The following PDE7B variants were observed in gnomAD, a reference collection of about 807,000 sequenced individuals.
The protein encoded by PDE7B is phosphodiesterase 7B.
In PDE7B, 29 loss-of-function variants were observed where a neutral mutation model predicts 56.2. The ratio of observed to expected loss-of-function variants is 0.52; its 90% CI spans 0.38 to 0.70. The LOEUF (loss-of-function observed/expected upper bound fraction) is 0.70. Among genes scored for constraint, PDE7B ranks in the 30% least tolerant of loss-of-function variants. PDE7B has a pLI of 0.00. For synonymous variants in PDE7B, 197 were observed against 196.9 expected (o/e 1.00, Z 0.00); for missense variants, 490 against 565.0 (o/e 0.87, Z 1.35).
At chr6:136,097,264 T>C (rs1054331693) in intron 2 of PDE7B, among the ~76,000 whole-genome samples, 4 of 152,206 alleles carry the variant, frequency 2.6e-5, no homozygotes, top group Non-Finnish European at 5.9e-5. Context: ...CATTTTTGCT[T>C]TGAAATCTCT....
chr6:136,151,397 A>C (rs938394005), intron 6 of PDE7B, 142 bp downstream of exon 6: 2 of 548,714 alleles, frequency 3.6e-6, no homozygotes, highest in Admixed American at 6.5e-5. Context: ...CTTACTTTTA[A>C]AATATGGCTT....
At chr6:136,176,377 A>G (rs1049637877) in intron 9 of PDE7B, among the ~76,000 whole-genome samples, 26 of 151,916 alleles carry the variant, frequency 1.7e-4, no homozygotes, top group African/African-American at 5.1e-4. Flanking sequence ...TTTTCAGTTT[A>G]TTTTCTGTGA....
chr6:135,926,860 A>G (rs1274584284), intron 1 of PDE7B, among the ~76,000 whole-genome samples: 1 of 152,162 alleles, frequency 6.6e-6, no homozygotes, highest in Non-Finnish European at 1.5e-5. Flanking sequence ...AAAAATCAGC[A>G]GTAGTGATAC....
intron 2 of PDE7B, chr6:136,096,396 T>C (rs1233087465): frequency 6.6e-6 from 1 of 151,628 alleles, no homozygotes; most frequent in African/African-American, 2.4e-5. Flanking sequence ...AAATTATCCA[T>C]GATATTGGGA....
chr6:135,959,468 C>T (rs1774859594), intron 2 of PDE7B, among the ~76,000 whole-genome samples: 1 of 152,038 alleles, frequency 6.6e-6, no homozygotes, highest in South Asian at 2.1e-4. Context: ...ATATATTGAA[C>T]TCAAAAATAC....
intron 1 of PDE7B, among the ~76,000 whole-genome samples, chr6:135,870,503 A>G (rs577741326): frequency 1.3e-5 from 2 of 149,970 alleles, no homozygotes; most frequent in Admixed American, 1.3e-4. Context: ...CTATTTATTT[A>G]GGTGATATGT....
At chr6:135,967,853 G>A (rs892956753) in intron 2 of PDE7B, among the ~76,000 whole-genome samples, 2 of 152,162 alleles carry the variant, frequency 1.3e-5, no homozygotes, top group African/African-American at 2.4e-5. Context: ...AGGGGCCAGC[G>A]CCACTTGGGC....
intron 2 of PDE7B, among the ~76,000 whole-genome samples, chr6:136,079,726 CA>C (rs35447604): frequency 0.42 from 39,922 of 94,692 alleles, 5,074 homozygotes; most frequent in South Asian, 0.53. Flanking sequence ...ATTAGGAAGA[CA>C]AAAAAAAAAA....
rs1779025823 is a variant in PDE7B at position 136,179,224 on chromosome 6, C to A, written c.948+83C>A. On this transcript the variant is annotated intron_variant, in intron 10 of 12. Coordinates refer to ENST00000308191, the MANE Select transcript of PDE7B (RefSeq NM_018945.4). Reference sequence around the variant, plus strand: ...GGTGTGGTGGCTCACATCTGTAGTCCCAGCTACTTGGGAGGCTGAGGCATG... The same window carrying A: ...GGTGTGGTGGCTCACATCTGTAGTCACAGCTACTTGGGAGGCTGAGGCATG... 1.5e-5 allele frequency: 19 copies of A among 1,290,194 alleles called. No homozygotes were observed. The South Asian group carries it at 1.6e-4, about 11-fold the overall frequency. 79.9% of individuals were successfully genotyped at this position (1,290,194 alleles called of 1,614,324 possible).
chr6:136,097,390 C>G (rs1777486050), intron 2 of PDE7B, among the ~76,000 whole-genome samples: 1 of 151,988 alleles, frequency 6.6e-6, no homozygotes, highest in Admixed American at 6.6e-5. Context: ...ATCCTTGATA[C>G]TTACCTCTCC....
chr6:136,185,270 T>C (rs1779125996), intron 11 of PDE7B, among the ~76,000 whole-genome samples: 1 of 152,124 alleles, frequency 6.6e-6, no homozygotes, highest in South Asian at 2.1e-4. Context: ...CTGCAGCCTC[T>C]GTAGGGCTTC....
chr6:135,977,660 T>G (rs1009566261), intron 2 of PDE7B, among the ~76,000 whole-genome samples: 1 of 152,032 alleles, frequency 6.6e-6, no homozygotes, highest in African/African-American at 2.4e-5. Flanking sequence ...AAGAGCTGCC[T>G]AGGCCAAGAA....
intron 1 of PDE7B, among the ~76,000 whole-genome samples, chr6:135,904,445 C>G (rs962461544): frequency 1.3e-5 from 2 of 152,136 alleles, no homozygotes; most frequent in African/African-American, 4.8e-5. Flanking sequence ...CCATTACCTT[C>G]CACGCCACCA....
At chr6:135,918,922 G>T (rs1774011236) in intron 1 of PDE7B, among the ~76,000 whole-genome samples, 1 of 152,090 alleles carries the variant, frequency 6.6e-6, no homozygotes, top group African/African-American at 2.4e-5. Flanking sequence ...GAATTGTTTT[G>T]TGTTGTGTTT....
intron 2 of PDE7B, chr6:136,034,409 T>G (rs1479752543): frequency 1.3e-5 from 2 of 152,210 alleles, no homozygotes; most frequent in African/African-American, 4.8e-5. Context: ...CAAAGCAAAG[T>G]CTTTTTATTT....
chr6:136,014,029 T>C (rs751221596), intron 2 of PDE7B, among the ~76,000 whole-genome samples: 1 of 152,240 alleles, frequency 6.6e-6, no homozygotes, highest in Non-Finnish European at 1.5e-5. Context: ...ATTTGACCAA[T>C]TCATTTATGT....
chr6:136,152,035 G>T (rs1307480590), intron 6 of PDE7B, among the ~76,000 whole-genome samples: 1 of 152,126 alleles, frequency 6.6e-6, no homozygotes, highest in African/African-American at 2.4e-5. Flanking sequence ...CTTCATCCTT[G>T]TCATCTTCAC....
intron 12 of PDE7B, among the ~76,000 whole-genome samples, chr6:136,190,051 TGATA>T (rs1179439502): frequency 2.0e-5 from 3 of 152,198 alleles, no homozygotes; most frequent in African/African-American, 4.8e-5. Flanking sequence ...GAGATAAACT[TGATA>T]AATATTCACA....
rs143323221 is a variant in PDE7B, at chr6:136,154,134, G to A, written c.538G>A (p.Asp180Asn). 9 of 1,613,704 alleles carry A rather than the reference G, an allele frequency of 5.6e-6. No individual in the cohort carries two copies. The African/African-American group carries it at 1.2e-4, about 22-fold the overall frequency. ...NPYHNAVHAADVTQAMHCYLK... is the reference protein window; with the variant it reads ...NPYHNAVHAANVTQAMHCYLK... ...GTATCACAATGCTGTTCACGCAGCC[G>A]ACGTCACCCAGGCCATGCACTGCTA... is the stretch of plus-strand genomic sequence containing the variant. The change falls in exon 7 of 13, where the codon GAC (aspartate) becomes AAC (asparagine). Residue 180 changes from aspartate (D) to asparagine (N), a missense_variant. Coordinates refer to ENST00000308191, the MANE Select transcript of PDE7B (RefSeq NM_018945.4).
Sources: gnomAD v4.1 joint callset for allele counts (sites outside exome capture counted in the v4.1 genomes callset) on GRCh38, gnomAD v4.1.1 for gene constraint, MANE v1.5 for transcripts, NCBI Gene and HGNC (gene_info 2026-07-23, HGNC 2026-07-21) for gene names.